The following WWOX variants were observed in gnomAD, a reference collection of about 807,000 sequenced individuals.
WWOX encodes WW domain-containing oxidoreductase.
WWOX carries 69 observed loss-of-function variants against 46.2 expected under a neutral mutation model. The observed-to-expected ratio is 1.49, with a 90% confidence interval of 1.23 to 1.82. WWOX has a LOEUF of 1.82. Among genes scored for constraint, WWOX ranks in the 40% most tolerant of loss-of-function variants. The pLI, the probability that WWOX is intolerant of heterozygous loss-of-function variation, is 0.00. For missense variants in WWOX, 919 were observed against 542.6 expected (o/e 1.69, Z -6.89); for synonymous variants, 359 against 202.6 (o/e 1.77, Z -6.56).
intron 8 of WWOX, among the ~76,000 whole-genome samples, chr16:78,814,146 C>T (rs886948950): frequency 6.6e-6 from 1 of 152,170 alleles, no homozygotes; most frequent in South Asian, 2.1e-4. Flanking sequence ...CCGGCCAGAT[C>T]CTCCCGCTGC....
intron 5 of WWOX, among the ~76,000 whole-genome samples, chr16:78,334,857 A>ACAC (rs2080848515): frequency 7.1e-6 from 1 of 140,284 alleles, no homozygotes; most frequent in African/African-American, 2.9e-5. Context: ...CACACACACA[A>ACAC]AATCACCAAA....
chr16:78,748,172 A>G (rs1180343723), intron 8 of WWOX, among the ~76,000 whole-genome samples: 1 of 152,086 alleles, frequency 6.6e-6, no homozygotes, highest in Non-Finnish European at 1.5e-5. Flanking sequence ...CGAATTCCTG[A>G]GCTACAAAGG....
chr16:78,715,020 C>T (rs924338702), intron 8 of WWOX, among the ~76,000 whole-genome samples: 1 of 152,118 alleles, frequency 6.6e-6, no homozygotes, highest in Non-Finnish European at 1.5e-5. Flanking sequence ...GGTGTGGTGG[C>T]TCATAATCCC....
intron 5 of WWOX, among the ~76,000 whole-genome samples, chr16:78,245,220 G>A (rs1486894768): frequency 6.6e-6 from 1 of 152,174 alleles, no homozygotes; most frequent in Non-Finnish European, 1.5e-5. Flanking sequence ...CCTGAACAGT[G>A]CTTTGAATGG....
intron 8 of WWOX, among the ~76,000 whole-genome samples, chr16:78,939,323 A>G (rs7203568): frequency 0.62 from 94,381 of 152,144 alleles, 29,352 homozygotes; most frequent in Middle Eastern, 0.67. Flanking sequence ...ATCCTCAGTA[A>G]TGTGTGTCCC....
chr16:78,630,341 C>G (rs1028499951), intron 8 of WWOX, among the ~76,000 whole-genome samples: 5 of 152,132 alleles, frequency 3.3e-5, no homozygotes, highest in African/African-American at 1.2e-4. Flanking sequence ...GTCACCATTC[C>G]CAGATCAGAT....
intron 5 of WWOX, among the ~76,000 whole-genome samples, chr16:78,276,330 A>G (rs1187764223): frequency 6.6e-6 from 1 of 152,202 alleles, no homozygotes; most frequent in Non-Finnish European, 1.5e-5. Flanking sequence ...AGGGCATAGC[A>G]CTAGTGTAAT....
intron 8 of WWOX, among the ~76,000 whole-genome samples, chr16:78,777,658 T>A (rs764769738): frequency 6.6e-6 from 1 of 152,082 alleles, no homozygotes; most frequent in Admixed American, 6.6e-5. Flanking sequence ...CAGGGCAGAC[T>A]CCCCAGCACA....
intron 8 of WWOX, among the ~76,000 whole-genome samples, chr16:78,803,741 G>A (rs1172902537): frequency 6.6e-6 from 1 of 152,192 alleles, no homozygotes; most frequent in African/African-American, 2.4e-5. Flanking sequence ...TTTTAGGCAT[G>A]ACCCATCGTG....
chr16:78,747,144 T>G (rs1170280142), intron 8 of WWOX, among the ~76,000 whole-genome samples: 1 of 151,976 alleles, frequency 6.6e-6, no homozygotes, highest in Non-Finnish European at 1.5e-5. Flanking sequence ...TTTGTACATG[T>G]TGTTTCTTTT....
At chr16:78,793,205 TGGG>T (rs1387028851) in intron 8 of WWOX, among the ~76,000 whole-genome samples, 1 of 152,178 alleles carries the variant, frequency 6.6e-6, no homozygotes, top group African/African-American at 2.4e-5. Context: ...CCCAAGTAAC[TGGG>T]ACCACAATGC....
At chr16:78,854,014 TTGTC>T (rs768386022) in intron 8 of WWOX, among the ~76,000 whole-genome samples, 4 of 152,200 alleles carry the variant, frequency 2.6e-5, no homozygotes, top group Non-Finnish European at 4.4e-5. Flanking sequence ...AAAAATAAAA[TTGTC>T]TGTTGTACCA....
In WWOX at chr16:78,746,858, C is replaced by T. The variant is rs978990730; in HGVS notation, c.1056+314106C>T. ...GAAAATAAATATTTGATCTTGTGAA[C>T]CCTTGAAATTTTGAGGTTGTTTGTT... is the stretch of plus-strand genomic sequence containing the variant. On this transcript the variant is annotated intron_variant, in intron 8 of 8. Transcript: ENST00000566780. 3.2e-4 allele frequency among the ~76,000 whole-genome samples: 49 copies of T among 152,062 alleles called. 1 individual carries two copies. Among genetic ancestry groups the T allele is most frequent in the Non-Finnish European group, 2.4e-4 (16 of 68,028 alleles).
intron 5 of WWOX, among the ~76,000 whole-genome samples, chr16:78,261,270 G>GATACATAC (rs1308108295): frequency 1.2e-4 from 15 of 124,808 alleles, no homozygotes; most frequent in African/African-American, 3.6e-4. Context: ...AAGGTAGATA[G>GATACATAC]ATAGATAGAT....
intron 4 of WWOX, among the ~76,000 whole-genome samples, chr16:78,144,814 C>G (rs945657333): frequency 1.3e-5 from 2 of 151,786 alleles, no homozygotes; most frequent in Non-Finnish European, 1.5e-5. Flanking sequence ...AGCCACCGTG[C>G]CTGGCCTGCC....
chr16:78,648,049 C>G (rs916305572), intron 8 of WWOX, among the ~76,000 whole-genome samples: 2 of 152,222 alleles, frequency 1.3e-5, no homozygotes, highest in African/African-American at 4.8e-5. Flanking sequence ...CCCACACTTA[C>G]TCTTATTCAC....
intron 8 of WWOX, among the ~76,000 whole-genome samples, chr16:78,766,521 G>T (rs1196862804): frequency 6.6e-6 from 1 of 152,200 alleles, no homozygotes; most frequent in East Asian, 1.9e-4. Context: ...TCAGGAGGTG[G>T]AGGCTGAAGT....
At chr16:78,211,541 C>A (rs531054154) in intron 5 of WWOX, among the ~76,000 whole-genome samples, 2 of 152,266 alleles carry the variant, frequency 1.3e-5, no homozygotes, top group Admixed American at 6.5e-5. Flanking sequence ...CAGACCTTGG[C>A]AGTTGCTGTT....
At chr16:78,907,094 A>G (rs1476244436) in intron 8 of WWOX, among the ~76,000 whole-genome samples, 1 of 152,102 alleles carries the variant, frequency 6.6e-6, no homozygotes, top group Non-Finnish European at 1.5e-5. Flanking sequence ...TTGTTACTCA[A>G]ATCAGCTTTC....
Sources: allele counts gnomAD v4.1 joint callset (sites outside exome capture counted in the v4.1 genomes callset), GRCh38; gene constraint gnomAD v4.1.1; transcripts MANE v1.5; gene names NCBI Gene and HGNC (gene_info 2026-07-23, HGNC 2026-07-21).